Variants in OPHN1 observed in about 807,000 individuals in gnomAD.
OPHN1 encodes oligophrenin-1.
In OPHN1, 11 loss-of-function variants were observed where a neutral mutation model predicts 60.7. The observed-to-expected ratio is 0.18, with a 90% confidence interval of 0.11 to 0.30. The LOEUF (loss-of-function observed/expected upper bound fraction) is 0.30. Among genes scored for constraint, OPHN1 ranks in the 10% least tolerant of loss-of-function variants. The pLI is 1.00. For missense variants in OPHN1, 449 were observed against 611.0 expected (o/e 0.73, Z 2.80); for synonymous variants, 226 against 222.6 (o/e 1.02, Z -0.14).
At chrX:68,410,906 A>T in intron 2 of OPHN1, among the ~76,000 whole-genome samples, 1 of 112,112 alleles carries the variant, frequency 8.9e-6, no homozygotes, top group Admixed American at 9.5e-5. Flanking sequence ...GATAAACAAA[A>T]TGTATATGCA....
intron 6 of OPHN1, 44 bp from the exon 7 acceptor site, chrX:68,214,016 T>C: frequency 1.3e-6 from 1 of 779,964 alleles, no homozygotes; most frequent in Non-Finnish European, 1.9e-6. Flanking sequence ...GGATATTCAT[T>C]CATGAAAGTC....
chrX:68,311,684 C>T (rs368802688), intron 2 of OPHN1, among the ~76,000 whole-genome samples: 22 of 112,187 alleles, frequency 2.0e-4, no homozygotes, highest in East Asian at 8.4e-4. Flanking sequence ...GCGCCCACCT[C>T]GGCCTCCCAA....
chrX:68,203,807 C>T (rs2077546088), intron 10 of OPHN1, among the ~76,000 whole-genome samples: 1 of 112,211 alleles, frequency 8.9e-6, no homozygotes, highest in Non-Finnish European at 1.9e-5. Flanking sequence ...CCTTGTCTAT[C>T]TGCTTTGTCT....
intron 15 of OPHN1, among the ~76,000 whole-genome samples, chrX:68,150,606 T>G (rs539900570): frequency 3.6e-5 from 4 of 111,996 alleles, no homozygotes; most frequent in African/African-American, 9.7e-5. Context: ...GACAGATGAG[T>G]ACACTTGGGC....
intron 2 of OPHN1, among the ~76,000 whole-genome samples, chrX:68,420,249 TTC>T (rs1299471112): frequency 8.9e-6 from 1 of 111,981 alleles, no homozygotes; most frequent in Non-Finnish European, 1.9e-5. Flanking sequence ...AGCACTTATA[TTC>T]TCTTTCATCA....
At chrX:68,079,853 T>G (rs1275562632) in intron 19 of OPHN1, among the ~76,000 whole-genome samples, 1 of 111,747 alleles carries the variant, frequency 8.9e-6, no homozygotes, top group Non-Finnish European at 1.9e-5. Context: ...CTTAAAATCC[T>G]CCCCCTCTCT....
At chrX:68,411,480 T>C (rs1349744084) in intron 2 of OPHN1, among the ~76,000 whole-genome samples, 2 of 112,243 alleles carry the variant, frequency 1.8e-5, no homozygotes, top group African/African-American at 6.5e-5. Context: ...GGTGAAATGG[T>C]ATCTCACTGT....
At position 68,063,967 on chromosome X, in the gene OPHN1, G is replaced by A; in HGVS notation, c.2045C>T (p.Thr682Ile). The change falls in exon 21 of 25, where the codon ACC becomes ATC. Residue 682 changes from threonine (T) to isoleucine (I), a missense_variant. This residue lies in a region of OPHN1 where 184 missense variants were observed against 160.5 expected (regional missense o/e 1.15). Transcript: ENST00000355520. ...KLVSRLQDGGTKITPKATNGP... is the reference protein window; with the variant it reads ...KLVSRLQDGGIKITPKATNGP... ...ATTGGTGGCCTTTGGGGTGATCTTG[G>A]TCCCTCCATCCTGCAGCCTAGACAC... 1 of 1,209,558 alleles carries A rather than the reference G, an allele frequency of 8.3e-7. No homozygotes were observed. Among genetic ancestry groups the A allele is most frequent in the Non-Finnish European group, 1.1e-6 (1 of 894,660 alleles).
At chrX:68,189,333 C>G (rs953905485) in intron 15 of OPHN1, among the ~76,000 whole-genome samples, 12 of 111,522 alleles carry the variant, frequency 1.1e-4, no homozygotes, top group African/African-American at 3.9e-4. Context: ...AAACAGAACT[C>G]TTTTTTTATG....
intron 19 of OPHN1, among the ~76,000 whole-genome samples, chrX:68,079,646 C>T (rs1189544743): frequency 8.9e-6 from 1 of 111,991 alleles, no homozygotes; most frequent in Non-Finnish European, 1.9e-5. Context: ...GTGTCATCCA[C>T]TCACATGGCT....
At chrX:68,062,578 G>A (rs2076897075) in intron 21 of OPHN1, among the ~76,000 whole-genome samples, 1 of 112,332 alleles carries the variant, frequency 8.9e-6, no homozygotes, top group Non-Finnish European at 1.9e-5. Context: ...ACCTCAAGAG[G>A]ACAGGGACTT....
chrX:68,124,930 G>A (rs897039751), intron 15 of OPHN1, among the ~76,000 whole-genome samples: 2 of 111,193 alleles, frequency 1.8e-5, no homozygotes, highest in Non-Finnish European at 3.8e-5. Context: ...TTACAGGCGT[G>A]AGCAACTGCA....
chrX:68,136,310 T>TTTTTTTG (rs2077219642), intron 15 of OPHN1, among the ~76,000 whole-genome samples: 1 of 76,146 alleles, frequency 1.3e-5, no homozygotes, highest in Non-Finnish European at 2.6e-5. Context: ...TTTTTTTTTT[T>TTTTTTTG]TTTTTGTTTT....
At chrX:68,102,062 A>C (rs1055029799) in intron 18 of OPHN1, 1 of 112,481 alleles carries the variant, frequency 8.9e-6, no homozygotes, top group African/African-American at 3.2e-5. Context: ...TCATAAAAAA[A>C]GGCACTGGGC....
Position 68,382,484 on chromosome X carries a change from G to A in OPHN1, c.154+50383C>T, listed in dbSNP as rs372096553. 1.1e-4 allele frequency among the ~76,000 whole-genome samples: 12 copies of A among 111,929 alleles called. No individual in the cohort carries two copies. In the East Asian group the frequency reaches 1.7e-3, roughly 16 times the overall value. On this transcript the variant is annotated intron_variant, in intron 2 of 24. Transcript: ENST00000355520. ...TGCTACATGCCTCAGTTTCCTCATC[G>A]TAAAAATGGGAATAATATTAGTCCC...
intron 19 of OPHN1, among the ~76,000 whole-genome samples, chrX:68,083,416 T>G (rs2076983102): frequency 8.9e-6 from 1 of 111,762 alleles, no homozygotes; most frequent in Non-Finnish European, 1.9e-5. Context: ...GCTTCCTTAC[T>G]TCCTCAGCCT....
chrX:68,172,225 T>C (rs754517177), intron 15 of OPHN1, among the ~76,000 whole-genome samples: 7 of 112,045 alleles, frequency 6.2e-5, no homozygotes, highest in Admixed American at 1.9e-4. Context: ...ACCCAAATGC[T>C]CAGCAACTCA....
intron 5 of OPHN1, among the ~76,000 whole-genome samples, chrX:68,262,523 C>T (rs2077898484): frequency 8.9e-6 from 1 of 111,909 alleles, no homozygotes; most frequent in African/African-American, 3.2e-5. Flanking sequence ...GTGGCTCACC[C>T]CTATAATCCC....
Position 68,052,560 on chromosome X carries a change from T to C in OPHN1, c.2355A>G (p.Thr785=). The C allele has an allele frequency of 8.3e-7, 1 of 1,208,225 alleles. No individual in the cohort carries two copies. Among genetic ancestry groups the C allele is most frequent in the Non-Finnish European group, 1.1e-6 (1 of 893,586 alleles). ...CTTACCTTCCTGTTTTCCGGGAAGC[T>C]GTTTCAAAAAACCTGGTCCTGGAAG... ...VVASRTRFFE[T]ASRKTGSSQG... is the part of the protein sequence containing the mutation. Residue 785 remains threonine, a synonymous_variant, in exon 23 of 25, where the codon ACA becomes ACG. Transcript: ENST00000355520.
Sources: allele counts gnomAD v4.1 joint callset (sites outside exome capture counted in the v4.1 genomes callset), GRCh38; gene constraint gnomAD v4.1.1; regional missense constraint gnomAD v4.1.1; transcripts MANE v1.5; gene names NCBI Gene and HGNC (gene_info 2026-07-23, HGNC 2026-07-21).